BCKDHB: variants seen among roughly 807,000 people sequenced by gnomAD.
The protein encoded by BCKDHB is 2-oxoisovalerate dehydrogenase subunit beta, mitochondrial.
Under a neutral mutation model 48.5 loss-of-function variants are expected in BCKDHB, and 41 were observed. The ratio of observed to expected loss-of-function variants is 0.85; its 90% confidence interval spans 0.66 to 1.10. The LOEUF (loss-of-function observed/expected upper bound fraction) is 1.10, where lower values mean the gene tolerates loss of function less well. Ranked by LOEUF, BCKDHB falls within the 50% of genes least tolerant of loss-of-function variation. The probability of loss-of-function intolerance (pLI) is 0.00; values close to 1 mark genes in which losing one functional copy is unlikely to be tolerated. For missense variants in BCKDHB, 496 were observed against 494.2 expected, an observed-to-expected ratio of 1.00 and a Z score of -0.03; for synonymous variants, 201 against 174.8, an observed-to-expected ratio of 1.15 and a Z score of -1.18.
intron 3 of BCKDHB, among the ~76,000 whole-genome samples, chr6:80,143,687 A>G (rs1562083838): frequency 6.6e-6 from 1 of 152,108 alleles, no homozygotes; most frequent in Admixed American, 6.6e-5. Flanking sequence ...TTGGACAAAA[A>G]GTTTTCAGTT....
At chr6:80,202,439 T>C (rs1405330161) in intron 7 of BCKDHB, among the ~76,000 whole-genome samples, 1 of 152,198 alleles carries the variant, frequency 6.6e-6, no homozygotes, top group East Asian at 1.9e-4. Context: ...CTTGAACAAC[T>C]GTTTTCTAGT....
chr6:80,335,474 A>T (rs1769542221), intron 9 of BCKDHB, among the ~76,000 whole-genome samples: 1 of 152,028 alleles, frequency 6.6e-6, no homozygotes, highest in African/African-American at 2.4e-5. Context: ...AAGAATTTGA[A>T]CTATAAAATT....
At position 80,215,903 on chromosome 6, in the gene BCKDHB, G is replaced by A. The variant is rs552997483; in HGVS notation, c.951+12691G>A. Reference sequence around the variant, plus strand: ...ACTACAGGCGTGCACCACCATGCCCGTCTAATTTTTTGTATTTTAGTACAG... The same window carrying A: ...ACTACAGGCGTGCACCACCATGCCCATCTAATTTTTTGTATTTTAGTACAG... On this transcript the variant is annotated intron_variant, in intron 8 of 9. Coordinates refer to ENST00000320393, the MANE Select transcript of BCKDHB (RefSeq NM_183050.4). 5.9e-5 allele frequency among the ~76,000 whole-genome samples: 9 copies of A among 152,178 alleles called. No individual in the cohort carries two copies. The South Asian group carries it at 1.9e-3, about 32-fold the overall frequency.
At chr6:80,313,353 GGTTTT>G (rs1039187852) in intron 9 of BCKDHB, among the ~76,000 whole-genome samples, 5 of 151,872 alleles carry the variant, frequency 3.3e-5, no homozygotes, top group South Asian at 2.1e-4. Flanking sequence ...TGTAGCTAGT[GGTTTT>G]GTTTTGTTTT....
chr6:80,267,972 C>T (rs748765216), intron 8 of BCKDHB, among the ~76,000 whole-genome samples: 1 of 151,994 alleles, frequency 6.6e-6, no homozygotes, highest in Non-Finnish European at 1.5e-5. Context: ...ATATGTGTAA[C>T]CCCCTCACTA....
intron 9 of BCKDHB, among the ~76,000 whole-genome samples, chr6:80,319,799 G>A (rs1768622910): frequency 1.3e-5 from 2 of 152,126 alleles, no homozygotes; most frequent in Non-Finnish European, 1.5e-5. Context: ...TGATTAAGGT[G>A]TATAATTATA....
intron 8 of BCKDHB, among the ~76,000 whole-genome samples, chr6:80,218,257 C>T (rs1409787040): frequency 6.6e-6 from 1 of 151,988 alleles, no homozygotes; most frequent in Non-Finnish European, 1.5e-5. Context: ...TGGGTCACAT[C>T]TTTATCTTGG....
intron 3 of BCKDHB, among the ~76,000 whole-genome samples, chr6:80,142,023 T>G (rs1771241768): frequency 6.6e-6 from 1 of 152,122 alleles, no homozygotes. Flanking sequence ...TTTAATTGTT[T>G]TATTTTTGAC....
chr6:80,109,636 A>G (rs1157053719), intron 1 of BCKDHB, among the ~76,000 whole-genome samples: 1 of 152,204 alleles, frequency 6.6e-6, no homozygotes, highest in Non-Finnish European at 1.5e-5. Flanking sequence ...CTGTTGAGGA[A>G]TATTTTCCCA....
intron 9 of BCKDHB, among the ~76,000 whole-genome samples, chr6:80,282,692 G>GA (rs947034220): frequency 6.6e-6 from 1 of 151,618 alleles, no homozygotes; most frequent in African/African-American, 2.4e-5. Context: ...AAAGAAAAAA[G>GA]AAAAAAACTT....
the BCKDHB span, among the ~76,000 whole-genome samples, chr6:80,416,323 T>A: frequency 6.6e-6 from 1 of 151,914 alleles, no homozygotes; most frequent in Non-Finnish European, 1.5e-5. Context: ...CCTGCTAGCT[T>A]TGGGACTTAT....
At chr6:80,455,348 C>A in the BCKDHB span, among the ~76,000 whole-genome samples, 3 of 151,748 alleles carry the variant, frequency 2.0e-5, no homozygotes, top group Non-Finnish European at 2.9e-5. Context: ...TCATAGTTAC[C>A]CTCATTACCA....
chr6:80,199,442 A>G (rs1211386612), intron 6 of BCKDHB, among the ~76,000 whole-genome samples: 1 of 152,120 alleles, frequency 6.6e-6, no homozygotes. Flanking sequence ...AAAGGGAACA[A>G]CAGTTTTTTC....
At chr6:80,423,834 G>A in the BCKDHB span, among the ~76,000 whole-genome samples, 1 of 152,290 alleles carries the variant, frequency 6.6e-6, no homozygotes, top group Middle Eastern at 3.4e-3. Context: ...TGCCTCAGAA[G>A]ATGTGCTGCA....
At chr6:80,465,912 T>G in the BCKDHB span, 1 of 152,288 alleles carries the variant, frequency 6.6e-6, no homozygotes, top group South Asian at 2.1e-4. Flanking sequence ...TGTGTCTCCA[T>G]TGCCTCCTGT....
rs146769892 is a variant in BCKDHB at position 80,150,688 on chromosome 6, C to T, written c.344-16990C>T. On this transcript the variant is annotated intron_variant, in intron 3 of 9. Transcript: ENST00000320393. ...TCTCCTGCCTCAGCCTCCCAAGTAGCTGGGATTACAGGCGTGCACCACCAC... is the reference window on the plus strand; with the variant it reads ...TCTCCTGCCTCAGCCTCCCAAGTAGTTGGGATTACAGGCGTGCACCACCAC... Among the ~76,000 whole-genome samples the T allele has an allele frequency of 1.7e-3, 264 of 151,606 alleles. 1 individual carries two copies. The highest frequency in any genetic ancestry group is 6.1e-3 in the African/African-American group (250 of 41,314).
At chr6:80,410,998 G>C in the BCKDHB span, among the ~76,000 whole-genome samples, 1 of 152,218 alleles carries the variant, frequency 6.6e-6, no homozygotes. Flanking sequence ...CTGGTGAGGA[G>C]TTGTGATCCT....
Position 80,132,583 on chromosome 6 carries a change from T to G in BCKDHB, c.343+3354T>G, listed in dbSNP as rs142051648. ...CTTAACTTGAAAAAGTCCAGTGCTC[T>G]TAGAGGGTACCTGCAAATTTATGTT... is the stretch of plus-strand genomic sequence containing the variant. On this transcript the variant is annotated intron_variant, in intron 3 of 9. Transcript: ENST00000320393. Among the ~76,000 whole-genome samples the G allele has an allele frequency of 1.7e-3, 261 of 152,306 alleles. 1 individual carries two copies. The highest frequency in any genetic ancestry group is 6.0e-3 in the African/African-American group (251 of 41,570).
intron 9 of BCKDHB, among the ~76,000 whole-genome samples, chr6:80,334,125 A>T (rs924105432): frequency 6.6e-6 from 1 of 152,168 alleles, no homozygotes; most frequent in African/African-American, 2.4e-5. Flanking sequence ...TAAGACATTC[A>T]ATCTGAAAGA....
Sources: allele counts gnomAD v4.1 joint callset (sites outside exome capture counted in the v4.1 genomes callset), GRCh38; gene constraint gnomAD v4.1.1; transcripts MANE v1.5; gene names NCBI Gene and HGNC (gene_info 2026-07-23, HGNC 2026-07-21).